Variants in TBC1D10B observed in about 807,000 individuals in gnomAD.
TBC1D10B encodes the protein TBC1 domain family member 10B.
TBC1D10B carries 25 observed loss-of-function variants against 78.4 expected under a neutral mutation model. That is an observed-to-expected ratio of 0.32 (90% CI 0.23 to 0.45). TBC1D10B has a LOEUF of 0.45. Among genes scored for constraint, TBC1D10B ranks in the 20% least tolerant of loss-of-function variants. The probability of loss-of-function intolerance (pLI) is 1.00; values close to 1 mark genes in which losing one functional copy is unlikely to be tolerated. For synonymous variants in TBC1D10B, 517 were observed against 478.0 expected (o/e 1.08, Z -1.06); for missense variants, 996 against 1,104.8 (o/e 0.90, Z 1.40).
At chr16:30,359,103 T>C in intron 7 of TBC1D10B, 69 bp downstream of exon 7, 2 of 1,507,360 alleles carry the variant, frequency 1.3e-6, no homozygotes, top group Non-Finnish European at 8.9e-7. Context: ...CCACCAGAAA[T>C]ATGACAGAAC....
chr16:30,362,758 C>A (rs1325069664), intron 4 of TBC1D10B, among the ~76,000 whole-genome samples: 1 of 152,200 alleles, frequency 6.6e-6, no homozygotes, highest in Non-Finnish European at 1.5e-5. Flanking sequence ...ATGTTCCCTG[C>A]CGGGCATGGA....
chr16:30,361,944 T>C (rs2151101456), intron 4 of TBC1D10B, among the ~76,000 whole-genome samples: 1 of 152,028 alleles, frequency 6.6e-6, no homozygotes, highest in East Asian at 1.9e-4. Context: ...CCTCCCGGGT[T>C]CACACCATTC....
chr16:30,365,328 A>G lies in TBC1D10B; in HGVS notation c.1057-116T>C. On this transcript the variant is annotated intron_variant, in intron 2 of 8. Coordinates refer to ENST00000409939, the MANE Select transcript of TBC1D10B (RefSeq NM_015527.4). The surrounding 1 kb of genome is among the most constrained non-coding windows in gnomAD (Gnocchi z 5.0). ...TCCGACATCCCATAGGCTTGATTCC[A>G]CTGGACCTGGCCTGGACTTCTATTT... 1 of 1,225,730 alleles carries G rather than the reference A, an allele frequency of 8.2e-7. No individual in the cohort carries two copies. The highest frequency in any genetic ancestry group is 1.2e-6 in the Non-Finnish European group (1 of 849,912). The allele number at this position is 1,225,730 out of a possible 1,614,324, so 75.9% of individuals were successfully genotyped here.
chr16:30,368,611 G>T (rs2049655775), intron 1 of TBC1D10B, among the ~76,000 whole-genome samples: 1 of 152,158 alleles, frequency 6.6e-6, no homozygotes. Flanking sequence ...CCCGGCTGGG[G>T]AGATGAGGAA....
intron 1 of TBC1D10B, chr16:30,368,067 A>C (rs1447486682): frequency 6.6e-6 from 1 of 152,156 alleles, no homozygotes. Flanking sequence ...TTCATCTATA[A>C]ACCGAGTCCT....
Position 30,369,954 on chromosome 16 carries a change from G to T in TBC1D10B, c.230C>A (p.Ala77Asp). The T allele has an allele frequency of 7.7e-7, 1 of 1,290,718 alleles. No homozygotes were observed. The highest frequency in any genetic ancestry group is 9.8e-7 in the Non-Finnish European group (1 of 1,021,038). The allele number at this position is 1,290,718 out of a possible 1,614,324, so 80.0% of individuals were successfully genotyped here. Reference protein sequence around the residue: ...AETSAPAPAPAPAPAPAVTGS... With the variant: ...AETSAPAPAPDPAPAPAVTGS... ...CGTGACAGCCGGGGCTGGGGCCGGG[G>T]CTGGGGCCGGGGCCGGAGCAGAGGT... The change falls in exon 1 of 9, where the codon GCC (alanine) becomes GAC (aspartate). Residue 77 changes from alanine to aspartate, a missense_variant. Physicochemically the swap from Ala to Asp is moderately radical, Grantham distance 126. Coordinates refer to ENST00000409939, the MANE Select transcript of TBC1D10B (RefSeq NM_015527.4). The surrounding 1 kb of genome is among the most constrained non-coding windows in gnomAD (Gnocchi z 4.3).
Position 30,367,796 on chromosome 16 carries a change from G to C in TBC1D10B, c.956+1432C>G, listed in dbSNP as rs376727737. On this transcript the variant is annotated intron_variant, in intron 1 of 8. Coordinates refer to ENST00000409939, the MANE Select transcript of TBC1D10B (RefSeq NM_015527.4). ...ATCCTGTGGACAGCAGCGAGCCACT[G>C]AACGCTGCGAAAGTAACATGGATTA... 3.3e-5 allele frequency: 5 copies of C among 152,230 alleles called. No individual in the cohort carries two copies. The East Asian group carries it at 7.7e-4, about 23-fold the overall frequency. 9.4% of individuals were successfully genotyped at this position (152,230 alleles called of 1,614,324 possible). A position where few individuals can be genotyped will look rare whatever the true frequency, so the allele number is the denominator to read the frequency against.
rs751813707 is a variant in TBC1D10B at position 30,359,688 on chromosome 16, TC to T, written c.1386+38del. On this transcript the variant is annotated intron_variant, in intron 5 of 8. Transcript: ENST00000409939. ...CCCCCATCACCACTGTAGGGTGAGA[TC>T]CCCCCTGCCCCTCCCGGCCCAGGAC... 1.2e-5 allele frequency: 19 copies of T among 1,553,612 alleles called. No homozygotes were observed. In the African/African-American group the frequency reaches 2.5e-4, roughly 20 times the overall value.
intron 4 of TBC1D10B, among the ~76,000 whole-genome samples, chr16:30,363,967 A>G (rs1407387271): frequency 6.6e-6 from 1 of 152,016 alleles, no homozygotes; most frequent in African/African-American, 2.4e-5. Context: ...AAATACAAAA[A>G]TTAGCCGGGT....
intron 6 of TBC1D10B, 73 bp downstream of exon 6, chr16:30,359,465 G>C (rs2049584881): frequency 6.5e-7 from 1 of 1,548,490 alleles, no homozygotes. Context: ...CCAGGGTGGG[G>C]CAAGGCAAGG....
rs763387936 is a variant in TBC1D10B, at chr16:30,359,802, G to A, written c.1311C>T (p.Ile437=). 1.3e-6 allele frequency: 2 copies of A among 1,577,754 alleles called. No homozygotes were observed. The highest frequency in any genetic ancestry group is 1.2e-5 in the South Asian group (1 of 85,984). The change falls in exon 5 of 9, where the codon ATC becomes ATT. Residue 437 remains isoleucine, a synonymous_variant. Coordinates refer to ENST00000409939, the MANE Select transcript of TBC1D10B (RefSeq NM_015527.4). ...GGCAGTAACCCTCGTCAGGCCGGTA[G>A]ATGGTGTAGGCCTTCAGGATTCGGT... ...DLYRILKAYT[I]YRPDEGYCQA...
At position 30,369,659 on chromosome 16, in the gene TBC1D10B, C is replaced by T; in HGVS notation, c.525G>A (p.Pro175=). 1.3e-6 allele frequency: 2 copies of T among 1,533,082 alleles called. No homozygotes were observed. Among genetic ancestry groups the T allele is most frequent in the Non-Finnish European group, 1.8e-6 (2 of 1,137,442 alleles). 95.0% of individuals were successfully genotyped at this position (1,533,082 alleles called of 1,614,324 possible). A position where few individuals can be genotyped will look rare whatever the true frequency, so the allele number is the denominator to read the frequency against. Residue 175 remains proline (P), a synonymous_variant, in exon 1 of 9, where the codon CCG becomes CCA. Transcript: ENST00000409939. The surrounding 1 kb of genome is among the most constrained non-coding windows in gnomAD (Gnocchi z 4.3). ...TCACTCCTGAGGCCACTGTGGTTCC[C>T]GGCTTGGGGGCAAGCGGGGGTTTGG... ...LTAKPPLAPK[P]GTTVASGVTA...
In TBC1D10B at chr16:30,357,737, T is replaced by C. The variant is rs866882215; in HGVS notation, c.*207A>G. On this transcript the variant is annotated 3_prime_UTR_variant, in exon 9 of 9. Transcript: ENST00000409939. ...CGACAGAGACCCCAGCTGAGCCTCA[T>C]GGGAGATGAGAGGCTCCAGACTCAT... 53 of 701,498 alleles carry C rather than the reference T, an allele frequency of 7.6e-5. No individual in the cohort carries two copies. The Middle Eastern group carries it at 2.0e-3, about 27-fold the overall frequency. The allele number at this position is 701,498 out of a possible 1,614,324, so 43.5% of individuals were successfully genotyped here.
rs1402999759 is a variant in TBC1D10B at position 30,370,343 on chromosome 16, AGGGGTCGGGGGGCGCCGCGCGCC to A, written c.-183_-161del. The A allele has an allele frequency of 4.7e-6, 1 of 212,814 alleles. No homozygotes were observed. Among genetic ancestry groups the A allele is most frequent in the African/African-American group, 2.4e-5 (1 of 42,052 alleles). The allele number at this position is 212,814 out of a possible 1,614,324, so 13.2% of individuals were successfully genotyped here. ...GCCGCTGGGCGCGCAGAGGCGGGGC[AGGGGTCGGGGGGCGCCGCGCGCC>A]GGGGTCTCTCTCGAGCCCTCTCACC... On this transcript the variant is annotated 5_prime_UTR_variant, in exon 1 of 9. Coordinates refer to ENST00000409939, the MANE Select transcript of TBC1D10B (RefSeq NM_015527.4).
At position 30,358,538 on chromosome 16, in the gene TBC1D10B, C is replaced by T. The variant is rs1229481788; in HGVS notation, c.1833G>A (p.Glu611=). The T allele has an allele frequency of 6.2e-7, 1 of 1,609,006 alleles. No homozygotes were observed. Among genetic ancestry groups the T allele is most frequent in the Non-Finnish European group, 8.5e-7 (1 of 1,176,300 alleles). The change falls in exon 9 of 9, where the codon GAG becomes GAA. Residue 611 remains glutamate (E), a synonymous_variant. Coordinates refer to ENST00000409939, the MANE Select transcript of TBC1D10B (RefSeq NM_015527.4). ...TCTTGAGCTGGGCTGCATTCTCCCGCTCAATCAGTGCTTCTGTCACCGGCA... is the reference window on the plus strand; with the variant it reads ...TCTTGAGCTGGGCTGCATTCTCCCGTTCAATCAGTGCTTCTGTCACCGGCA... ...TNLPVTEALI[E]RENAAQLKKW...
chr16:30,362,603 G>A (rs529151378), intron 4 of TBC1D10B, among the ~76,000 whole-genome samples: 5 of 152,134 alleles, frequency 3.3e-5, no homozygotes, highest in Non-Finnish European at 5.9e-5. Flanking sequence ...AGTCTCGTGG[G>A]TAAGATTTAG....
rs760513030 is a variant in TBC1D10B at position 30,358,760 on chromosome 16, A to G, written c.1700T>C (p.Val567Ala). Residue 567 changes from valine to alanine, a missense_variant, in exon 8 of 9, where the codon GTG becomes GCG. Coordinates refer to ENST00000409939, the MANE Select transcript of TBC1D10B (RefSeq NM_015527.4). Reference sequence around the variant, plus strand: ...GCCTTGGCAGGAGCGCAGCTTCTCCACTGAGCCCAGCGTGTGGCGCAGCAG... The same window carrying G: ...GCCTTGGCAGGAGCGCAGCTTCTCCGCTGAGCCCAGCGTGTGGCGCAGCAG... ...LVLLRHTLGS[V>A]EKLRSCQGMY... 1 of 1,609,530 alleles carries G rather than the reference A, an allele frequency of 6.2e-7. No homozygotes were observed. Among genetic ancestry groups the G allele is most frequent in the Non-Finnish European group, 8.5e-7 (1 of 1,178,068 alleles).
intron 1 of TBC1D10B, chr16:30,366,001 G>A (rs2049632612): frequency 9.5e-6 from 2 of 211,598 alleles, no homozygotes; most frequent in South Asian, 7.7e-5. Flanking sequence ...TACCCGAAGG[G>A]GTTTATACGA....
In TBC1D10B at chr16:30,369,920, C is replaced by T. The variant is rs538411293; in HGVS notation, c.264G>A (p.Thr88=). 7.5e-7 allele frequency: 1 copy of T among 1,327,360 alleles called. No homozygotes were observed. Among genetic ancestry groups the T allele is most frequent in the Non-Finnish European group, 9.6e-7 (1 of 1,041,286 alleles). The allele number at this position is 1,327,360 out of a possible 1,614,324, so 82.2% of individuals were successfully genotyped here. The change falls in exon 1 of 9, where the codon ACG becomes ACA. Residue 88 remains threonine, a synonymous_variant. Coordinates refer to ENST00000409939, the MANE Select transcript of TBC1D10B (RefSeq NM_015527.4). The surrounding 1 kb of genome is among the most constrained non-coding windows in gnomAD (Gnocchi z 4.3). The part of the protein sequence containing the change: ...PAPAPAVTGS[T]VVVLTLEASP... Reference sequence around the variant, plus strand: ...AGGCCTCCAGGGTCAGCACCACCACCGTGCTGCCCGTGACAGCCGGGGCTG... The same window carrying T: ...AGGCCTCCAGGGTCAGCACCACCACTGTGCTGCCCGTGACAGCCGGGGCTG...
Sources: allele counts gnomAD v4.1 joint callset (sites outside exome capture counted in the v4.1 genomes callset), GRCh38; gene constraint gnomAD v4.1.1; non-coding constraint Gnocchi (gnomAD v3.1); transcripts MANE v1.5; gene names NCBI Gene and HGNC (gene_info 2026-07-23, HGNC 2026-07-21).